Variants in NOXRED1 observed in about 807,000 individuals in gnomAD.
NOXRED1 encodes NADP dependent oxidoreductase domain containing 1.
In NOXRED1, 20 loss-of-function variants were observed where a neutral mutation model predicts 30.4. The ratio of observed to expected loss-of-function variants is 0.66; its 90% CI spans 0.46 to 0.96. The LOEUF (loss-of-function observed/expected upper bound fraction) is 0.96, where lower values mean the gene tolerates loss of function less well. NOXRED1 is among the 40% of genes least tolerant of loss of function. The probability of loss-of-function intolerance (pLI) is 0.00; values close to 1 mark genes in which losing one functional copy is unlikely to be tolerated. For synonymous variants in NOXRED1, 155 were observed against 168.0 expected (o/e 0.92, Z 0.60); for missense variants, 374 against 428.0 (o/e 0.87, Z 1.11).
intron 5 of NOXRED1, among the ~76,000 whole-genome samples, chr14:77,402,810 G>C (rs1025770971): frequency 6.6e-6 from 1 of 152,174 alleles, no homozygotes; most frequent in Non-Finnish European, 1.5e-5. Flanking sequence ...GCCAAGGTGG[G>C]CATCACCTGA....
At chr14:77,400,088 A>G (rs1175199215) in intron 5 of NOXRED1, among the ~76,000 whole-genome samples, 1 of 152,186 alleles carries the variant, frequency 6.6e-6, no homozygotes, top group African/African-American at 2.4e-5. Context: ...GGAAGAAAAA[A>G]AATCACTAAC....
In NOXRED1 at chr14:77,406,797, C is replaced by T. The variant is rs372613696; in HGVS notation, c.609G>A (p.Gly203=). The T allele has an allele frequency of 1.9e-6, 3 of 1,613,866 alleles. No homozygotes were observed. The highest frequency in any genetic ancestry group is 4.5e-5 in the East Asian group (2 of 44,882). The change falls in exon 4 of 6, where the codon GGG becomes GGA. Residue 203 remains glycine (G), a synonymous_variant. Transcript: ENST00000380835. The stretch of plus-strand genomic sequence containing the variant: ...GAGCAGCTATGACTCCCTTATTGGC[C>T]CCCCAGACGCTGACAGAATCTTCAT... ...QYDEDSVSVW[G]ANKGVIAALQ...
intron 1 of NOXRED1, among the ~76,000 whole-genome samples, chr14:77,417,589 C>T (rs534403600): frequency 1.3e-5 from 2 of 152,326 alleles, no homozygotes; most frequent in Admixed American, 1.3e-4. Flanking sequence ...ATGACTACTC[C>T]TGTTCTTTTT....
chr14:77,420,534 C>CCTGTAAT, intron 1 of NOXRED1, among the ~76,000 whole-genome samples: 1 of 151,700 alleles, frequency 6.6e-6, no homozygotes, highest in Admixed American at 6.6e-5. Flanking sequence ...AAATTACAGG[C>CCTGTAAT]CTGTAATCTG....
intron 5 of NOXRED1, among the ~76,000 whole-genome samples, chr14:77,399,810 C>T (rs1291815224): frequency 6.6e-6 from 1 of 152,026 alleles, no homozygotes; most frequent in Non-Finnish European, 1.5e-5. Context: ...ATATTTGAAA[C>T]AATAATGACT....
rs745582183 is a variant in NOXRED1, at chr14:77,406,823, CATACTG to C, written c.577_582del (p.Gln193_Tyr194del). 3 of 1,613,930 alleles carry C rather than the reference CATACTG, an allele frequency of 1.9e-6. No homozygotes were observed. Among genetic ancestry groups the C allele is most frequent in the African/African-American group, 2.7e-5 (2 of 74,922 alleles). ...CCCCAGACGCTGACAGAATCTTCATCATACTGATACTGAGGCCGCAAGATATTGGTG... is the reference window on the plus strand; with the variant it reads ...CCCCAGACGCTGACAGAATCTTCATCATACTGAGGCCGCAAGATATTGGTG... On this transcript the variant is annotated inframe_deletion, in exon 4 of 6. Coordinates refer to ENST00000380835, the MANE Select transcript of NOXRED1 (RefSeq NM_001113475.3).
At chr14:77,395,395 T>C (rs895735369) in intron 5 of NOXRED1, among the ~76,000 whole-genome samples, 4 of 151,588 alleles carry the variant, frequency 2.6e-5, no homozygotes, top group Admixed American at 6.6e-5. Flanking sequence ...CGTGAGCCAC[T>C]GCGCCCGGCT....
Position 77,412,101 on chromosome 14 carries a change from TAAAAAAAAAA to T in NOXRED1, c.349+1823_349+1832del, listed in dbSNP as rs71128621. Among the ~76,000 whole-genome samples the T allele has an allele frequency of 1.3e-4, 8 of 63,736 alleles. No homozygotes were observed. The South Asian group carries it at 4.3e-3, about 34-fold the overall frequency. 41.8% of individuals were successfully genotyped at this position (63,736 alleles called of 152,430 possible). A position where few individuals can be genotyped will look rare whatever the true frequency, so the allele number is the denominator to read the frequency against. On this transcript the variant is annotated intron_variant, in intron 2 of 5. Transcript: ENST00000380835. ...CTAGGTGACAGAGCAAGACTCAGTCTAAAAAAAAAAAAAAAAAAAAAAAAAATTTAATAAA... is the reference window on the plus strand; with the variant it reads ...CTAGGTGACAGAGCAAGACTCAGTCTAAAAAAAAAAAAAAAATTTAATAAA...
chr14:77,408,665 G>A (rs1894549970), intron 2 of NOXRED1, among the ~76,000 whole-genome samples: 1 of 152,154 alleles, frequency 6.6e-6, no homozygotes, highest in Admixed American at 6.6e-5. Flanking sequence ...TTACAGATGA[G>A]ACTGAGGATT....
intron 1 of NOXRED1, among the ~76,000 whole-genome samples, 177 bp from the exon 2 acceptor site, chr14:77,414,304 C>T (rs1389583033): frequency 6.6e-5 from 10 of 151,710 alleles, no homozygotes; most frequent in African/African-American, 1.9e-4. Context: ...GCCTGTCTCC[C>T]GAGTAGCTGG....
At chr14:77,395,777 G>A (rs1247149387) in intron 5 of NOXRED1, among the ~76,000 whole-genome samples, 1 of 151,792 alleles carries the variant, frequency 6.6e-6, no homozygotes, top group Non-Finnish European at 1.5e-5. Flanking sequence ...ACTCTAGCCT[G>A]GGCTACAGAG....
intron 5 of NOXRED1, 42 bp downstream of exon 5, chr14:77,405,871 G>C (rs1202750317): frequency 1.7e-6 from 2 of 1,172,130 alleles, no homozygotes; most frequent in African/African-American, 3.0e-5. Flanking sequence ...TAAGAGAAGA[G>C]TCTGGGAGAA....
Position 77,410,293 on chromosome 14 carries a change from A to G in NOXRED1, c.350-2648T>C, listed in dbSNP as rs531614459. On this transcript the variant is annotated intron_variant, in intron 2 of 5. Transcript: ENST00000380835. ...ATTTATAAACCAAAAGAAAAAAAGA[A>G]AAAAACATTACAAATCAATAAGAAA... is the stretch of plus-strand genomic sequence containing the variant. 5.9e-5 allele frequency among the ~76,000 whole-genome samples: 9 copies of G among 152,218 alleles called. No individual in the cohort carries two copies. The South Asian group carries it at 8.3e-4, about 14-fold the overall frequency.
chr14:77,395,619 T>G (rs1472671156), intron 5 of NOXRED1, among the ~76,000 whole-genome samples: 1 of 151,372 alleles, frequency 6.6e-6, no homozygotes, highest in African/African-American at 2.4e-5. Context: ...CTGGACAACA[T>G]AATGAGACCT....
chr14:77,412,692 T>A (rs1387778602), intron 2 of NOXRED1, among the ~76,000 whole-genome samples: 1 of 152,166 alleles, frequency 6.6e-6, no homozygotes, highest in Non-Finnish European at 1.5e-5. Flanking sequence ...TTTGTATTTT[T>A]AGTAGAGACT....
chr14:77,395,470 A>C (rs555573634), intron 5 of NOXRED1, among the ~76,000 whole-genome samples: 1 of 152,070 alleles, frequency 6.6e-6, no homozygotes, highest in Non-Finnish European at 1.5e-5. Flanking sequence ...GCAAGGAAGA[A>C]GTCTAATTGC....
chr14:77,396,501 G>A (rs1331945172), intron 5 of NOXRED1, among the ~76,000 whole-genome samples: 4 of 151,890 alleles, frequency 2.6e-5, no homozygotes, highest in African/African-American at 7.3e-5. Flanking sequence ...CACCTGCCTC[G>A]GCCTCCCAAA....
intron 5 of NOXRED1, 91 bp downstream of exon 5, chr14:77,405,822 A>T: frequency 1.3e-6 from 1 of 762,482 alleles, no homozygotes; most frequent in Non-Finnish European, 2.2e-6. Context: ...ATCAATGTTT[A>T]AAGAGAACAT....
chr14:77,411,227 G>T (rs1415403278), intron 2 of NOXRED1, among the ~76,000 whole-genome samples: 1 of 152,100 alleles, frequency 6.6e-6, no homozygotes, highest in Non-Finnish European at 1.5e-5. Context: ...CCAGCACTTT[G>T]GGAGGCTGAG....
Sources: allele counts gnomAD v4.1 joint callset (sites outside exome capture counted in the v4.1 genomes callset), GRCh38; gene constraint gnomAD v4.1.1; transcripts MANE v1.5; gene names NCBI Gene and HGNC (gene_info 2026-07-23, HGNC 2026-07-21).